NLGN4X: variants seen among roughly 807,000 people sequenced by gnomAD.
The protein encoded by NLGN4X is neuroligin-4, X-linked.
In NLGN4X, 3 loss-of-function variants were observed where a neutral mutation model predicts 40.3. That is an observed-to-expected ratio of 0.07 (90% CI 0.03 to 0.19). The LOEUF (loss-of-function observed/expected upper bound fraction) is 0.19. Ranked by LOEUF, NLGN4X falls within the 10% of genes least tolerant of loss-of-function variation. The pLI, the probability that NLGN4X is intolerant of heterozygous loss-of-function variation, is 1.00. For missense variants in NLGN4X, 382 were observed against 708.3 expected, an observed-to-expected ratio of 0.54 and a Z score of 5.23; for synonymous variants, 270 against 306.8, an observed-to-expected ratio of 0.88 and a Z score of 1.25.
chrX:6,075,643 A>G (rs2038176828), intron 2 of NLGN4X, among the ~76,000 whole-genome samples: 1 of 110,815 alleles, frequency 9.0e-6, no homozygotes, highest in Admixed American at 9.6e-5. Context: ...TAATGACTGA[A>G]TTCTTGCTCT....
At position 5,906,242 on chromosome X, in the gene NLGN4X, C is replaced by T. The variant is rs926767652; in HGVS notation, c.812-2376G>A. Among the ~76,000 whole-genome samples, 14 of 112,033 alleles carry T rather than the reference C, an allele frequency of 1.2e-4. No homozygotes were observed. In the Admixed American group the frequency reaches 1.3e-3, roughly 11 times the overall value. ...ACCAAATGGTTCATCAGATTCTTCA[C>T]TTATCGTGTTTTTGAAATAAAGTTA... On this transcript the variant is annotated intron_variant, in intron 4 of 5. Coordinates refer to ENST00000381095, the MANE Select transcript of NLGN4X (RefSeq NM_181332.3).
At chrX:6,135,263 C>G (rs1219597519) in intron 2 of NLGN4X, among the ~76,000 whole-genome samples, 1 of 111,794 alleles carries the variant, frequency 8.9e-6, no homozygotes, top group Non-Finnish European at 1.9e-5. Context: ...TCATCTGTTC[C>G]TGTCACTTTA....
At chrX:5,961,562 G>T (rs2034664880) in intron 3 of NLGN4X, among the ~76,000 whole-genome samples, 1 of 111,891 alleles carries the variant, frequency 8.9e-6, no homozygotes, top group Non-Finnish European at 1.9e-5. Context: ...ATCTAAAAAT[G>T]AGAATGTTAA....
intron 2 of NLGN4X, among the ~76,000 whole-genome samples, chrX:6,146,776 T>C (rs1242648008): frequency 9.1e-6 from 1 of 109,986 alleles, no homozygotes; most frequent in Non-Finnish European, 1.9e-5. Context: ...GAAAATACAA[T>C]GATAATGAGT....
intron 2 of NLGN4X, among the ~76,000 whole-genome samples, chrX:6,138,433 G>A (rs1399046901): frequency 1.8e-5 from 2 of 111,759 alleles, no homozygotes; most frequent in East Asian, 5.6e-4. Flanking sequence ...TTTGTAGAGA[G>A]TGCTCAGGTA....
intron 2 of NLGN4X, among the ~76,000 whole-genome samples, chrX:6,088,795 T>C (rs2038563238): frequency 1.8e-5 from 2 of 112,099 alleles, no homozygotes; most frequent in Admixed American, 1.9e-4. Context: ...GAATATATGA[T>C]GCCGAGTTCA....
intron 3 of NLGN4X, among the ~76,000 whole-genome samples, chrX:5,961,488 C>A (rs1464686890): frequency 8.9e-6 from 1 of 112,153 alleles, no homozygotes; most frequent in Non-Finnish European, 1.9e-5. Context: ...CGCATATACA[C>A]AGAAAACCTT....
chrX:5,926,262 GCCATGTGGAA>G (rs2044338827), intron 3 of NLGN4X, among the ~76,000 whole-genome samples: 1 of 109,576 alleles, frequency 9.1e-6, no homozygotes, highest in African/African-American at 3.3e-5. Context: ...GGCCTCCCCA[GCCATGTGGAA>G]CTGCAAGTCA....
intron 3 of NLGN4X, among the ~76,000 whole-genome samples, chrX:6,000,458 C>T (rs1288802468): frequency 9.0e-6 from 1 of 111,444 alleles, no homozygotes; most frequent in Non-Finnish European, 1.9e-5. Context: ...AAGAGAAAAG[C>T]AGCCCCTGCT....
At chrX:5,901,304 G>T (rs1330939215) in intron 5 of NLGN4X, among the ~76,000 whole-genome samples, 1 of 112,115 alleles carries the variant, frequency 8.9e-6, no homozygotes. Flanking sequence ...CAGGGCCACT[G>T]CAGTCTCAGA....
intron 2 of NLGN4X, among the ~76,000 whole-genome samples, chrX:6,109,351 G>T (rs752127059): frequency 3.6e-5 from 4 of 111,775 alleles, no homozygotes; most frequent in African/African-American, 1.3e-4. Context: ...GTAATACCTG[G>T]ATGTAATATT....
intron 2 of NLGN4X, among the ~76,000 whole-genome samples, chrX:6,042,128 T>C (rs2037174798): frequency 1.8e-5 from 2 of 112,193 alleles, no homozygotes; most frequent in African/African-American, 3.2e-5. Context: ...AAATGCTTCA[T>C]TGTAATAATG....
rs753293013 is a variant in NLGN4X at position 5,956,367 on chromosome X, A to AT, written c.626-47129dup. Among the ~76,000 whole-genome samples, 8 of 110,986 alleles carry AT rather than the reference A, an allele frequency of 7.2e-5. No individual in the cohort carries two copies. The East Asian group carries it at 1.4e-3, about 20-fold the overall frequency. The stretch of plus-strand genomic sequence containing the variant: ...AACTGGTTTGTATGACACCAATTAT[A>AT]TTCTAAGACATACACACATTGATAA... On this transcript the variant is annotated intron_variant, in intron 3 of 5. Coordinates refer to ENST00000381095, the MANE Select transcript of NLGN4X (RefSeq NM_181332.3).
intron 2 of NLGN4X, among the ~76,000 whole-genome samples, chrX:6,095,102 C>CGTGT (rs56285921): frequency 6.8e-5 from 6 of 88,337 alleles, no homozygotes; most frequent in Admixed American, 2.5e-4. Flanking sequence ...TACGTGCGTG[C>CGTGT]GTGTGTGTGT....
At chrX:6,094,471 G>C (rs1322096523) in intron 2 of NLGN4X, among the ~76,000 whole-genome samples, 1 of 110,223 alleles carries the variant, frequency 9.1e-6, no homozygotes, top group Non-Finnish European at 1.9e-5. Flanking sequence ...GTTTTTCCCT[G>C]TGCCAGTGTT....
intron 3 of NLGN4X, among the ~76,000 whole-genome samples, chrX:5,925,619 A>G (rs2033238298): frequency 9.3e-6 from 1 of 107,219 alleles, no homozygotes; most frequent in Non-Finnish European, 1.9e-5. Flanking sequence ...AGAACACCCC[A>G]TGTTCTAGAA....
intron 2 of NLGN4X, among the ~76,000 whole-genome samples, chrX:6,072,744 T>C (rs769208085): frequency 9.0e-6 from 1 of 111,505 alleles, no homozygotes; most frequent in South Asian, 3.8e-4. Flanking sequence ...TTGTGAATGC[T>C]GCCTTGATGA....
At chrX:5,954,634 GTCTCTCTCTCTC>G (rs200878268) in intron 3 of NLGN4X, among the ~76,000 whole-genome samples, 2 of 94,901 alleles carry the variant, frequency 2.1e-5, no homozygotes, top group Non-Finnish European at 4.3e-5. Flanking sequence ...CTCTGTCTCT[GTCTCTCTCTCTC>G]TCTCTCTCTC....
chrX:5,947,432 C>T (rs750213502), intron 3 of NLGN4X, among the ~76,000 whole-genome samples: 4 of 111,737 alleles, frequency 3.6e-5, no homozygotes, highest in Admixed American at 9.6e-5. Flanking sequence ...TCAAAATGCA[C>T]GCAAGGTCAG....
Sources: gnomAD v4.1 joint callset for allele counts (sites outside exome capture counted in the v4.1 genomes callset) on GRCh38, gnomAD v4.1.1 for gene constraint, MANE v1.5 for transcripts, NCBI Gene and HGNC (gene_info 2026-07-23, HGNC 2026-07-21) for gene names.